NALF1: variants seen among roughly 807,000 people sequenced by gnomAD.
NALF1 encodes family with sequence similarity 155 member A.
NALF1 carries 3 observed loss-of-function variants against 48.4 expected under a neutral mutation model. The observed-to-expected ratio is 0.06, with a 90% CI of 0.03 to 0.16. NALF1 has a LOEUF of 0.16. Ranked by LOEUF, NALF1 falls within the 10% of genes least tolerant of loss-of-function variation. The pLI is 1.00. For missense variants in NALF1, 526 were observed against 571.5 expected, an observed-to-expected ratio of 0.92 and a Z score of 0.81; for synonymous variants, 262 against 245.7, an observed-to-expected ratio of 1.07 and a Z score of -0.62.
At chr13:107,349,500 T>C (rs1158567175) in intron 1 of NALF1, among the ~76,000 whole-genome samples, 1 of 152,026 alleles carries the variant, frequency 6.6e-6, no homozygotes, top group African/African-American at 2.4e-5. Context: ...CCCAGCACTT[T>C]GGGAGGGCGA....
intron 1 of NALF1, among the ~76,000 whole-genome samples, chr13:107,361,893 C>A (rs1020730091): frequency 6.6e-6 from 1 of 152,134 alleles, no homozygotes; most frequent in East Asian, 1.9e-4. Context: ...TCACTTTAGG[C>A]AATGGAGGGT....
intron 1 of NALF1, among the ~76,000 whole-genome samples, chr13:107,312,436 G>A (rs113693348): frequency 1.5e-4 from 23 of 152,078 alleles, no homozygotes; most frequent in Admixed American, 2.0e-4. Context: ...GTGGGGGAAG[G>A]GGGGAGGGAT....
chr13:107,692,358 GA>G (rs373398776), intron 1 of NALF1, among the ~76,000 whole-genome samples: 133 of 149,416 alleles, frequency 8.9e-4, no homozygotes, highest in African/African-American at 2.8e-3. Flanking sequence ...AGTTCTGTGT[GA>G]AAAAAAAATG....
intron 1 of NALF1, among the ~76,000 whole-genome samples, chr13:107,782,637 T>C (rs1472459853): frequency 6.6e-6 from 1 of 150,744 alleles, no homozygotes; most frequent in Non-Finnish European, 1.5e-5. Flanking sequence ...CCATCCCATC[T>C]AGGAAGTGAG....
chr13:107,404,875 C>A (rs569670221), intron 1 of NALF1, among the ~76,000 whole-genome samples: 1 of 151,980 alleles, frequency 6.6e-6, no homozygotes, highest in Non-Finnish European at 1.5e-5. Flanking sequence ...TAACTTGTGA[C>A]CTCAGTGTCC....
chr13:107,806,427 T>A (rs976747227), intron 1 of NALF1, among the ~76,000 whole-genome samples: 1 of 152,088 alleles, frequency 6.6e-6, no homozygotes, highest in Non-Finnish European at 1.5e-5. Flanking sequence ...GACACACCTA[T>A]TTTTTTAAAA....
rs1046481271 is a variant in NALF1 at position 107,170,904 on chromosome 13, T to G, written c.1088-118A>C. 9.9e-6 allele frequency: 9 copies of G among 909,214 alleles called. No individual in the cohort carries two copies. In the African/African-American group the frequency reaches 1.3e-4, roughly 14 times the overall value. The allele number at this position is 909,214 out of a possible 1,614,324, so 56.3% of individuals were successfully genotyped here. The stretch of plus-strand genomic sequence containing the variant: ...AATCTTACAGGCAATTAGACATTTA[T>G]TTAAAGGAAAATCAAGTCAATGCAA... On this transcript the variant is annotated intron_variant, in intron 2 of 2. Transcript: ENST00000375915.
intron 1 of NALF1, among the ~76,000 whole-genome samples, chr13:107,574,104 TAATATATGACATAAA>T (rs952575699): frequency 6.6e-6 from 1 of 152,224 alleles, no homozygotes; most frequent in African/African-American, 2.4e-5. Flanking sequence ...CTACTTCTAC[TAATATATGACATAAA>T]AATATATGAC....
chr13:107,635,075 C>T (rs1209686368), intron 1 of NALF1, among the ~76,000 whole-genome samples: 7 of 152,046 alleles, frequency 4.6e-5, no homozygotes, highest in Non-Finnish European at 1.0e-4. Context: ...TGGCCAAATA[C>T]GAATATGTGA....
At chr13:107,259,385 A>G (rs912612197) in intron 1 of NALF1, among the ~76,000 whole-genome samples, 3 of 152,178 alleles carry the variant, frequency 2.0e-5, no homozygotes, top group African/African-American at 7.2e-5. Flanking sequence ...GTCAGAGATC[A>G]GGAAAAACCG....
chr13:107,350,805 G>A (rs995143352), intron 1 of NALF1, among the ~76,000 whole-genome samples: 3 of 152,184 alleles, frequency 2.0e-5, no homozygotes, highest in Non-Finnish European at 2.9e-5. Flanking sequence ...GCTGGCCCCA[G>A]CTCCAGATTT....
intron 1 of NALF1, among the ~76,000 whole-genome samples, chr13:107,402,127 T>A (rs1461676193): frequency 1.3e-5 from 2 of 152,164 alleles, no homozygotes; most frequent in Non-Finnish European, 2.9e-5. Flanking sequence ...GTGACTTCAG[T>A]CTTGCTAACA....
intron 1 of NALF1, among the ~76,000 whole-genome samples, chr13:107,736,741 A>G (rs942443268): frequency 2.6e-5 from 4 of 152,228 alleles, no homozygotes; most frequent in Non-Finnish European, 5.9e-5. Context: ...AAAAAGCCAG[A>G]GTGAATCAAA....
At chr13:107,219,450 G>A (rs1264911994) in intron 1 of NALF1, among the ~76,000 whole-genome samples, 1 of 152,114 alleles carries the variant, frequency 6.6e-6, no homozygotes, top group Non-Finnish European at 1.5e-5. Flanking sequence ...TTTAAAAAGT[G>A]GGAAATCAGT....
intron 1 of NALF1, among the ~76,000 whole-genome samples, chr13:107,652,060 AAT>A (rs556220919): frequency 1.6e-4 from 25 of 152,236 alleles, no homozygotes; most frequent in Non-Finnish European, 3.1e-4. Context: ...TGCTGAAGAA[AAT>A]ACTTATGATG....
chr13:107,234,623 C>CCAAAGGT (rs2138828502), intron 1 of NALF1, among the ~76,000 whole-genome samples: 1 of 152,080 alleles, frequency 6.6e-6, no homozygotes, highest in African/African-American at 2.4e-5. Context: ...CTCTCCCTCA[C>CCAAAGGT]CAAAGGTTAT....
chr13:107,629,619 C>CTCATTTTTGATAAACCATG (rs6145231), intron 1 of NALF1, among the ~76,000 whole-genome samples: 16 of 151,602 alleles, frequency 1.1e-4, no homozygotes, highest in Non-Finnish European at 2.1e-4. Context: ...GCTCTCTCTT[C>CTCATTTTTGATAAACCATG]TCACTTTTTA....
At chr13:107,516,866 G>A (rs1230712378) in intron 1 of NALF1, among the ~76,000 whole-genome samples, 2 of 152,154 alleles carry the variant, frequency 1.3e-5, no homozygotes, top group African/African-American at 2.4e-5. Context: ...TGCAAAAGTG[G>A]ACATGAATTC....
chr13:107,817,183 C>A (rs1406529639), intron 1 of NALF1, among the ~76,000 whole-genome samples: 1 of 152,048 alleles, frequency 6.6e-6, no homozygotes, highest in Non-Finnish European at 1.5e-5. Flanking sequence ...ATAATGTGAT[C>A]CTCATTACAA....
Sources: allele counts gnomAD v4.1 joint callset (sites outside exome capture counted in the v4.1 genomes callset), GRCh38; gene constraint gnomAD v4.1.1; transcripts MANE v1.5; gene names NCBI Gene and HGNC (gene_info 2026-07-23, HGNC 2026-07-21).